Variants in PXDNL observed in about 807,000 individuals in gnomAD.
PXDNL encodes peroxidasin like, also known as probable oxidoreductase PXDNL.
A neutral mutation model predicts 150.8 loss-of-function variants in PXDNL; 145 were observed. The observed-to-expected ratio is 0.96, with a 90% CI of 0.84 to 1.10. The LOEUF is 1.10. Among genes scored for constraint, PXDNL ranks in the 50% least tolerant of loss-of-function variants. The probability of loss-of-function intolerance (pLI) is 0.00; values close to 1 mark genes in which losing one functional copy is unlikely to be tolerated. For missense variants in PXDNL, 2,087 were observed against 1,873.9 expected (o/e 1.11, Z -2.10); for synonymous variants, 757 against 725.7 (o/e 1.04, Z -0.69).
At chr8:51,514,096 A>G (rs1457925263) in intron 4 of PXDNL, among the ~76,000 whole-genome samples, 1 of 152,240 alleles carries the variant, frequency 6.6e-6, no homozygotes, top group African/African-American at 2.4e-5. Context: ...GCAGAGCTCT[A>G]TTCCTCACTG....
intron 17 of PXDNL, among the ~76,000 whole-genome samples, chr8:51,377,538 C>T (rs916769784): frequency 1.4e-4 from 21 of 152,290 alleles, no homozygotes; most frequent in East Asian, 1.9e-4. Flanking sequence ...AGGCAGGAAC[C>T]GGGGCTGCAC....
At chr8:51,326,557 C>T (rs565423703) in intron 21 of PXDNL, among the ~76,000 whole-genome samples, 103 of 152,164 alleles carry the variant, frequency 6.8e-4, no homozygotes, top group African/African-American at 2.3e-3. Flanking sequence ...TCGGCCTTCC[C>T]AGAAATAGAA....
chr8:51,786,320 T>C (rs2037460293), intron 1 of PXDNL, among the ~76,000 whole-genome samples: 1 of 152,142 alleles, frequency 6.6e-6, no homozygotes, highest in South Asian at 2.1e-4. Context: ...GCGATTCTCC[T>C]GCCTTAGCCT....
rs370081259 is a variant in PXDNL, at chr8:51,408,984, T to A, written c.2640A>T (p.Ser880=). The A allele has an allele frequency of 1.2e-6, 2 of 1,611,800 alleles. No individual in the cohort carries two copies. Among genetic ancestry groups the A allele is most frequent in the African/African-American group, 2.7e-5 (2 of 74,920 alleles). ...ASGRPSATVD[S]VYAREQINQQ... ...GGTTGATCTGCTCTCGTGCATAGAC[T>A]GAATCCACCGTCGCAGAGGGACGGC... The change falls in exon 17 of 23, where the codon TCA becomes TCT. Residue 880 remains serine (S), a synonymous_variant. Transcript: ENST00000356297.
intron 1 of PXDNL, among the ~76,000 whole-genome samples, chr8:51,807,251 T>A (rs2037687371): frequency 6.6e-6 from 1 of 152,088 alleles, no homozygotes; most frequent in East Asian, 1.9e-4. Context: ...AAACTTACAA[T>A]CATCGCAGAA....
At chr8:51,726,568 A>G (rs577531056) in intron 1 of PXDNL, among the ~76,000 whole-genome samples, 1 of 152,316 alleles carries the variant, frequency 6.6e-6, no homozygotes, top group South Asian at 2.1e-4. Context: ...CTTTTTATTC[A>G]TCACTATTCT....
Position 51,760,671 on chromosome 8 carries a change from A to G in PXDNL, c.164+48510T>C, listed in dbSNP as rs537573563. ...AAAACTTTAGCATTTAACATCCACTATTTGTACCAGCAAAGAGTGCCCATA... is the reference window on the plus strand; with the variant it reads ...AAAACTTTAGCATTTAACATCCACTGTTTGTACCAGCAAAGAGTGCCCATA... On this transcript the variant is annotated intron_variant, in intron 1 of 22. Transcript: ENST00000356297. 3.3e-5 allele frequency among the ~76,000 whole-genome samples: 5 copies of G among 152,188 alleles called. No homozygotes were observed. The East Asian group carries it at 7.7e-4, about 24-fold the overall frequency.
At chr8:51,615,865 CATG>C (rs1171249856) in intron 2 of PXDNL, among the ~76,000 whole-genome samples, 2 of 152,332 alleles carry the variant, frequency 1.3e-5, no homozygotes, top group African/African-American at 4.8e-5. Context: ...CCCATCAGTG[CATG>C]ATGACAGTGC....
chr8:51,320,034 C>T lies in PXDNL; in HGVS notation c.4261-12G>A, dbSNP rs1805271043. 1.4e-6 allele frequency: 2 copies of T among 1,459,076 alleles called. No individual in the cohort carries two copies. The highest frequency in any genetic ancestry group is 9.1e-7 in the Non-Finnish European group (1 of 1,102,190). The allele number at this position is 1,459,076 out of a possible 1,614,324, so 90.4% of individuals were successfully genotyped here. The stretch of plus-strand genomic sequence containing the variant: ...GTGACCTGGCCACTCTGAAAGGCAG[C>T]ATGCACATATCACCTCCATGTTTCT... On this transcript the variant is annotated splice_polypyrimidine_tract_variant and intron_variant, in intron 22 of 22. Coordinates refer to ENST00000356297, the MANE Select transcript of PXDNL (RefSeq NM_144651.5).
At chr8:51,382,318 G>C (rs952429332) in intron 17 of PXDNL, among the ~76,000 whole-genome samples, 1 of 152,150 alleles carries the variant, frequency 6.6e-6, no homozygotes. Context: ...GAGGAAGCGT[G>C]GCCCTGCTGA....
intron 1 of PXDNL, among the ~76,000 whole-genome samples, chr8:51,686,838 TAAA>T (rs1243173359): frequency 2.6e-5 from 4 of 151,912 alleles, no homozygotes; most frequent in Non-Finnish European, 5.9e-5. Context: ...CAATAAAAAA[TAAA>T]AAGCAAAAGG....
rs1816868556 is a variant in PXDNL at position 51,728,912 on chromosome 8, C to T, written c.165-74152G>A. Among the ~76,000 whole-genome samples the T allele has an allele frequency of 2.0e-5, 3 of 152,162 alleles. No homozygotes were observed. The South Asian group carries it at 6.2e-4, about 32-fold the overall frequency. ...TCACTGACTTCCCCCAGAGCAACTTCCATCCTGCAAGCTCCATTCATGGTA... is the reference window on the plus strand; with the variant it reads ...TCACTGACTTCCCCCAGAGCAACTTTCATCCTGCAAGCTCCATTCATGGTA... On this transcript the variant is annotated intron_variant, in intron 1 of 22. Transcript: ENST00000356297.
At position 51,809,312 on chromosome 8, in the gene PXDNL, G is replaced by GA. The variant is rs2037710402; in HGVS notation, c.32dup (p.Phe12LeufsTer21). 1 of 1,571,472 alleles carries GA rather than the reference G, an allele frequency of 6.4e-7. No homozygotes were observed. Among genetic ancestry groups the GA allele is most frequent in the African/African-American group, 1.4e-5 (1 of 73,898 alleles). ...GCAGGCACCACCCGGCCAGGAGAAA[G>GA]AGAGTGGTCCAGCAGAACAGTCTGG... On this transcript the variant is annotated frameshift_variant, in exon 1 of 23. Transcript: ENST00000356297. LOFTEE classifies it high-confidence loss of function.
intron 17 of PXDNL, among the ~76,000 whole-genome samples, chr8:51,387,733 A>G (rs557905550): frequency 9.9e-5 from 15 of 152,200 alleles, no homozygotes; most frequent in African/African-American, 3.4e-4. Flanking sequence ...ACCGCTAAAA[A>G]TGTTTTTGTT....
intron 1 of PXDNL, among the ~76,000 whole-genome samples, chr8:51,689,032 G>A (rs921913910): frequency 7.9e-5 from 12 of 152,152 alleles, no homozygotes; most frequent in African/African-American, 2.4e-4. Context: ...ATCGGGAATC[G>A]GCCTTTCAGA....
intron 1 of PXDNL, among the ~76,000 whole-genome samples, chr8:51,746,148 T>C (rs1341723339): frequency 6.6e-6 from 1 of 152,164 alleles, no homozygotes; most frequent in Non-Finnish European, 1.5e-5. Flanking sequence ...GCTCCAGAGA[T>C]GTAGCCATCA....
chr8:51,342,877 T>C (rs1219748994), intron 20 of PXDNL, among the ~76,000 whole-genome samples: 27 of 110,078 alleles, frequency 2.5e-4, no homozygotes, highest in African/African-American at 1.1e-3. Context: ...CTGATTAAGA[T>C]TCAAAAAAAA....
At chr8:51,421,992 C>G (rs1490579639) in intron 14 of PXDNL, among the ~76,000 whole-genome samples, 1 of 152,138 alleles carries the variant, frequency 6.6e-6, no homozygotes, top group African/African-American at 2.4e-5. Context: ...GGCAAGCGAG[C>G]ATTACTGCCT....
In PXDNL at chr8:51,411,457, C is replaced by G. The variant is rs144864362; in HGVS notation, c.1905-50G>C. On this transcript the variant is annotated intron_variant, in intron 15 of 22. Coordinates refer to ENST00000356297, the MANE Select transcript of PXDNL (RefSeq NM_144651.5). ...CTTTACAAGGCAAAACAGCAGAGTC[C>G]ATGAAGCTTGCAAATACTGTGCATT... 344 of 1,487,700 alleles carry G rather than the reference C, an allele frequency of 2.3e-4. 2 individuals are homozygous for G. The East Asian group carries it at 7.3e-3, about 32-fold the overall frequency. The allele number at this position is 1,487,700 out of a possible 1,614,324, so 92.2% of individuals were successfully genotyped here. A position where few individuals can be genotyped will look rare whatever the true frequency, so the allele number is the denominator to read the frequency against.
Sources: gnomAD v4.1 joint callset for allele counts (sites outside exome capture counted in the v4.1 genomes callset) on GRCh38, gnomAD v4.1.1 for gene constraint, MANE v1.5 for transcripts, NCBI Gene and HGNC (gene_info 2026-07-23, HGNC 2026-07-21) for gene names.